The following PSMA8 variants were observed in gnomAD, a reference collection of about 807,000 sequenced individuals.
The protein encoded by PSMA8 is proteasome 20S subunit alpha 8.
A neutral mutation model predicts 32.4 loss-of-function variants in PSMA8; 18 were observed. The observed-to-expected ratio is 0.56, with a 90% CI of 0.38 to 0.82. PSMA8 has a LOEUF of 0.82. Ranked by LOEUF, PSMA8 falls within the 40% of genes least tolerant of loss-of-function variation. The pLI is 0.00. For synonymous variants in PSMA8, 104 were observed against 98.1 expected (o/e 1.06, Z -0.36); for missense variants, 298 against 300.7 (o/e 0.99, Z 0.07).
intron 3 of PSMA8, among the ~76,000 whole-genome samples, chr18:26,152,208 A>T (rs562607606): frequency 2.6e-5 from 4 of 152,326 alleles, no homozygotes; most frequent in Admixed American, 2.6e-4. Context: ...ATTCAAATTT[A>T]AAAAAACAGT....
intron 2 of PSMA8, among the ~76,000 whole-genome samples, chr18:26,147,619 T>A (rs2055014480): frequency 6.6e-6 from 1 of 152,210 alleles, no homozygotes; most frequent in Admixed American, 6.5e-5. Flanking sequence ...TCCCCTAGAT[T>A]GTATATCATA....
intron 1 of PSMA8, among the ~76,000 whole-genome samples, chr18:26,134,695 C>T (rs1317126312): frequency 6.6e-6 from 1 of 152,180 alleles, no homozygotes; most frequent in Non-Finnish European, 1.5e-5. Flanking sequence ...TGGCTCACAC[C>T]TGTAATCCCA....
chr18:26,155,257 G>A (rs1012085528), intron 3 of PSMA8, among the ~76,000 whole-genome samples: 1 of 151,812 alleles, frequency 6.6e-6, no homozygotes, highest in Non-Finnish European at 1.5e-5. Flanking sequence ...GGCTCATTAA[G>A]GAAATAAAAT....
chr18:26,144,648 T>C lies in PSMA8; in HGVS notation c.192T>C (p.Ile64=). The change falls in exon 2 of 7, where the codon ATT becomes ATC. Residue 64 remains isoleucine (I), a synonymous_variant. Coordinates refer to ENST00000415576, the MANE Select transcript of PSMA8 (RefSeq NM_001025096.2). ...AAGATGAAAGAACTGTGAGGAAAAT[T>C]TGTGCCCTTGATGACCATGTCTGCA... ...KLQDERTVRK[I]CALDDHVCMA... 4 of 1,613,960 alleles carry C rather than the reference T, an allele frequency of 2.5e-6. No homozygotes were observed. The highest frequency in any genetic ancestry group is 3.3e-4 in the Middle Eastern group (2 of 6,060).
chr18:26,134,440 G>A (rs2054894663), intron 1 of PSMA8, among the ~76,000 whole-genome samples: 1 of 151,720 alleles, frequency 6.6e-6, no homozygotes, highest in Non-Finnish European at 1.5e-5. Flanking sequence ...ATCTGTAACA[G>A]CCTACCTATT....
intron 3 of PSMA8, among the ~76,000 whole-genome samples, chr18:26,152,328 GT>G (rs1252685929): frequency 6.6e-6 from 1 of 151,764 alleles, no homozygotes; most frequent in Non-Finnish European, 1.5e-5. Context: ...TTTTGTTTTT[GT>G]TTTTGTGTTT....
intron 4 of PSMA8, among the ~76,000 whole-genome samples, chr18:26,166,442 C>T (rs181585895): frequency 1.3e-3 from 199 of 152,286 alleles, no homozygotes; most frequent in South Asian, 4.3e-3. Flanking sequence ...TACCACCATA[C>T]ATTTGCAATT....
chr18:26,178,750 C>T, intron 4 of PSMA8, 80 bp from the exon 5 acceptor site: 2 of 1,349,336 alleles, frequency 1.5e-6, no homozygotes, highest in South Asian at 1.4e-5. Context: ...GAGTAAACTC[C>T]AAACCTCTAA....
At chr18:26,163,038 G>A (rs2055147715) in intron 4 of PSMA8, among the ~76,000 whole-genome samples, 1 of 151,410 alleles carries the variant, frequency 6.6e-6, no homozygotes, top group African/African-American at 2.4e-5. Flanking sequence ...CATTTAACAA[G>A]TATTCAGTCT....
chr18:26,182,503 C>T (rs2055319702), intron 6 of PSMA8, among the ~76,000 whole-genome samples: 1 of 152,178 alleles, frequency 6.6e-6, no homozygotes, highest in African/African-American at 2.4e-5. Context: ...AGACCTAACA[C>T]TCAAAAAAAG....
intron 6 of PSMA8, among the ~76,000 whole-genome samples, chr18:26,188,351 A>G (rs1249026832): frequency 2.0e-5 from 3 of 151,846 alleles, no homozygotes; most frequent in African/African-American, 7.2e-5. Flanking sequence ...AAAAAAAAAA[A>G]AAATAGAAAG....
chr18:26,163,227 A>ATATATATATG (rs2055150685), intron 4 of PSMA8, among the ~76,000 whole-genome samples: 1 of 46,600 alleles, frequency 2.1e-5, no homozygotes, highest in Non-Finnish European at 5.1e-5. Flanking sequence ...ATATATATAT[A>ATATATATATG]TATATATATA....
rs2055213391 is a variant in PSMA8 at position 26,170,693 on chromosome 18, G to A, written c.478-8137G>A. On this transcript the variant is annotated intron_variant, in intron 4 of 6. Transcript: ENST00000415576. ...TACATACTTTTTTCAGAGGGAGGGGGAACAACTTAAACTAGAAAACACCTT... is the reference window on the plus strand; with the variant it reads ...TACATACTTTTTTCAGAGGGAGGGGAAACAACTTAAACTAGAAAACACCTT... The A allele has an allele frequency of 1.5e-5, 21 of 1,390,664 alleles. 2 individuals carry two copies. Among genetic ancestry groups the A allele is most frequent in the Non-Finnish European group, 1.9e-5 (20 of 1,030,386 alleles). The allele number at this position is 1,390,664 out of a possible 1,614,324, so 86.1% of individuals were successfully genotyped here.
rs959264002 is a variant in PSMA8, at chr18:26,193,152, G to A, written c.*741G>A. ...TTATTTTATCTCAAGTATGTCCAGT[G>A]TGTTCGGTTTGTTACATATTCCATG... On this transcript the variant is annotated 3_prime_UTR_variant, in exon 7 of 7. Transcript: ENST00000415576. The A allele has an allele frequency of 5.3e-5, 8 of 152,096 alleles. No homozygotes were observed. Among genetic ancestry groups the A allele is most frequent in the Non-Finnish European group, 1.0e-4 (7 of 68,016 alleles). The allele number at this position is 152,096 out of a possible 1,614,324, so 9.4% of individuals were successfully genotyped here.
At chr18:26,138,054 G>A (rs1381356286) in intron 1 of PSMA8, among the ~76,000 whole-genome samples, 1 of 152,210 alleles carries the variant, frequency 6.6e-6, no homozygotes. Context: ...AATAGAAATA[G>A]ATGAAGCTAG....
chr18:26,188,366 T>C (rs142220206), intron 6 of PSMA8, among the ~76,000 whole-genome samples: 6 of 150,916 alleles, frequency 4.0e-5, no homozygotes, highest in Admixed American at 4.0e-4. Flanking sequence ...AGAAAGGTGT[T>C]CCATGTTCAT....
At position 26,151,894 on chromosome 18, in the gene PSMA8, C is replaced by A. The variant is rs769529223; in HGVS notation, c.266C>A (p.Ala89Asp). Residue 89 changes from alanine (A) to aspartate (D), a missense_variant, in exon 3 of 7, where the codon GCC becomes GAC. Physicochemically the swap from Ala to Asp is moderately radical, Grantham distance 126. Transcript: ENST00000415576. The stretch of plus-strand genomic sequence containing the variant: ...GATGCTAGAGTAGTAATAAACAGAG[C>A]CCGTGTGGAGTGCCAGAGCCATAAG... ...TADARVVINR[A>D]RVECQSHKLT... is the part of the protein sequence containing the mutation. 1.2e-5 allele frequency: 20 copies of A among 1,611,458 alleles called. No homozygotes were observed. The highest frequency in any genetic ancestry group is 2.7e-5 in the African/African-American group (2 of 74,862).
At chr18:26,146,623 G>C (rs2055005420) in intron 2 of PSMA8, among the ~76,000 whole-genome samples, 1 of 152,050 alleles carries the variant, frequency 6.6e-6, no homozygotes, top group Non-Finnish European at 1.5e-5. Flanking sequence ...ATTAGCTGGG[G>C]ATGGTGGCGT....
rs2055204140 is a variant in PSMA8 at position 26,169,365 on chromosome 18, G to A, written c.478-9465G>A. ...AAGTCAAACTCCATCAGAATATCCTGCTACTTATAACTTTAAAATATATCT... is the reference window on the plus strand; with the variant it reads ...AAGTCAAACTCCATCAGAATATCCTACTACTTATAACTTTAAAATATATCT... On this transcript the variant is annotated intron_variant, in intron 4 of 6. Transcript: ENST00000415576. Among the ~76,000 whole-genome samples the A allele has an allele frequency of 1.5e-5, 2 of 133,760 alleles. 1 individual carries two copies. The highest frequency in any genetic ancestry group is 1.4e-4 in the Admixed American group (2 of 14,062). 87.8% of individuals were successfully genotyped at this position (133,760 alleles called of 152,430 possible). A position where few individuals can be genotyped will look rare whatever the true frequency, so the allele number is the denominator to read the frequency against.
Sources: allele counts gnomAD v4.1 joint callset (sites outside exome capture counted in the v4.1 genomes callset), GRCh38; gene constraint gnomAD v4.1.1; transcripts MANE v1.5; gene names NCBI Gene and HGNC (gene_info 2026-07-23, HGNC 2026-07-21).